Variants in CALN1 observed in about 807,000 individuals in gnomAD.
CALN1 encodes the protein calcium-binding protein 8.
CALN1 carries 17 observed loss-of-function variants against 30.6 expected under a neutral mutation model. The observed-to-expected ratio is 0.56, with a 90% CI of 0.38 to 0.83. The LOEUF (loss-of-function observed/expected upper bound fraction) is 0.83, where lower values mean the gene tolerates loss of function less well. Ranked by LOEUF, CALN1 falls within the 40% of genes least tolerant of loss-of-function variation. The pLI, the probability that CALN1 is intolerant of heterozygous loss-of-function variation, is 0.00. For synonymous variants in CALN1, 156 were observed against 131.4 expected (o/e 1.19, Z -1.28); for missense variants, 291 against 354.9 (o/e 0.82, Z 1.45).
At chr7:72,082,380 C>T (rs1805206395) in intron 4 of CALN1, among the ~76,000 whole-genome samples, 1 of 152,166 alleles carries the variant, frequency 6.6e-6, no homozygotes, top group Non-Finnish European at 1.5e-5. Flanking sequence ...AGTCCTTAGA[C>T]CTTAACTGGG....
At chr7:72,394,385 G>A (rs1024713327) in intron 2 of CALN1, among the ~76,000 whole-genome samples, 2 of 152,170 alleles carry the variant, frequency 1.3e-5, no homozygotes, top group African/African-American at 2.4e-5. Context: ...CTTTAGCTAT[G>A]CTTGCACAAG....
chr7:72,290,079 T>TAAAAAAA (rs60416266), intron 2 of CALN1, among the ~76,000 whole-genome samples: 4 of 32,122 alleles, frequency 1.2e-4, no homozygotes, highest in Admixed American at 4.9e-4. Context: ...GACCCTGTCT[T>TAAAAAAA]AAAAAAAAAA....
intron 5 of CALN1, among the ~76,000 whole-genome samples, chr7:71,976,195 A>T (rs1000019659): frequency 6.6e-6 from 1 of 152,092 alleles, no homozygotes. Context: ...ACTGATGTAA[A>T]ACACATGGGG....
the CALN1 span, among the ~76,000 whole-genome samples, chr7:72,494,869 A>AATAAT: frequency 6.6e-6 from 1 of 150,846 alleles, no homozygotes; most frequent in Non-Finnish European, 1.5e-5. Context: ...CCTGTCTCAA[A>AATAAT]AATAATAATA....
intron 2 of CALN1, among the ~76,000 whole-genome samples, chr7:72,396,352 G>C (rs1031169296): frequency 6.7e-6 from 1 of 149,860 alleles, no homozygotes; most frequent in Non-Finnish European, 1.5e-5. Flanking sequence ...GGACCTGGGA[G>C]ACAGAGGTTG....
At chr7:72,404,013 T>A (rs1357538329) in intron 1 of CALN1, among the ~76,000 whole-genome samples, 1 of 152,180 alleles carries the variant, frequency 6.6e-6, no homozygotes, top group Non-Finnish European at 1.5e-5. Flanking sequence ...AGGGCAGACC[T>A]GCAACCCATG....
chr7:72,062,169 C>G (rs1311471964), intron 4 of CALN1, among the ~76,000 whole-genome samples: 1 of 152,128 alleles, frequency 6.6e-6, no homozygotes, highest in East Asian at 1.9e-4. Flanking sequence ...AATTCATTGT[C>G]AGCACACCTG....
intron 3 of CALN1, among the ~76,000 whole-genome samples, chr7:72,212,285 G>A (rs1345785341): frequency 6.7e-6 from 1 of 149,324 alleles, no homozygotes; most frequent in Non-Finnish European, 1.5e-5. Flanking sequence ...CGAGGTGGAG[G>A]ACTGCAGTGA....
chr7:72,153,483 A>C (rs78722901), intron 3 of CALN1, among the ~76,000 whole-genome samples: 1,542 of 151,652 alleles, frequency 0.01, 25 homozygotes, highest in African/African-American at 0.035. Flanking sequence ...GTTCAAGTCC[A>C]GCCTGGGTAA....
At chr7:71,918,100 G>A (rs1468583703) in intron 5 of CALN1, among the ~76,000 whole-genome samples, 1 of 152,160 alleles carries the variant, frequency 6.6e-6, no homozygotes, top group African/African-American at 2.4e-5. Flanking sequence ...GATAGGAATT[G>A]CATAAGGATC....
intron 3 of CALN1, among the ~76,000 whole-genome samples, chr7:72,177,870 C>G (rs1789478079): frequency 6.6e-6 from 1 of 151,980 alleles, no homozygotes; most frequent in African/African-American, 2.4e-5. Context: ...TTCTAGCATT[C>G]TCCTTTGTAA....
intron 2 of CALN1, among the ~76,000 whole-genome samples, chr7:72,327,747 A>G (rs1301328188): frequency 6.6e-6 from 1 of 152,228 alleles, no homozygotes; most frequent in Non-Finnish European, 1.5e-5. Flanking sequence ...TTTAATGAAT[A>G]TTTAATTGCT....
rs560011881 is a variant in CALN1 at position 72,410,045 on chromosome 7, G to A, written c.-74+2013C>T. ...TTATAACTGAACATAATTCTTTCTT[G>A]AAGATATCTTTTGGACAAAATGTTC... On this transcript the variant is annotated intron_variant, in intron 1 of 6. Coordinates refer to ENST00000395275, the MANE Select transcript of CALN1 (RefSeq NM_031468.4). Among the ~76,000 whole-genome samples, 89 of 151,592 alleles carry A rather than the reference G, an allele frequency of 5.9e-4. 1 individual carries two copies. The highest frequency in any genetic ancestry group is 1.1e-3 in the Non-Finnish European group (76 of 67,992).
At chr7:72,360,124 A>T (rs1435850834) in intron 2 of CALN1, among the ~76,000 whole-genome samples, 1 of 152,194 alleles carries the variant, frequency 6.6e-6, no homozygotes, top group East Asian at 1.9e-4. Context: ...TGGTTTTAAA[A>T]CAAACTATAA....
chr7:72,224,883 T>C (rs1793558629), intron 3 of CALN1, among the ~76,000 whole-genome samples: 1 of 151,552 alleles, frequency 6.6e-6, no homozygotes, highest in African/African-American at 2.4e-5. Context: ...GGTCAGGAGA[T>C]TGAGGCCATC....
chr7:72,046,828 G>C (rs10242489), intron 4 of CALN1, among the ~76,000 whole-genome samples: 1 of 150,718 alleles, frequency 6.6e-6, no homozygotes, highest in Admixed American at 6.6e-5. Context: ...AGGAGTCTGA[G>C]ACCAGTCTGG....
chr7:71,927,101 C>T (rs1157451773), intron 5 of CALN1, among the ~76,000 whole-genome samples: 1 of 152,164 alleles, frequency 6.6e-6, no homozygotes, highest in Admixed American at 6.5e-5. Flanking sequence ...ATAAAGTAAA[C>T]AGTACTTTTG....
chr7:71,939,693 G>A (rs1796024456), intron 5 of CALN1, among the ~76,000 whole-genome samples: 1 of 152,194 alleles, frequency 6.6e-6, no homozygotes, highest in African/African-American at 2.4e-5. Flanking sequence ...CTTGGAAGTG[G>A]TGGAGCTGGG....
intron 5 of CALN1, among the ~76,000 whole-genome samples, chr7:72,005,001 G>A (rs1799697597): frequency 6.6e-6 from 1 of 152,160 alleles, no homozygotes; most frequent in African/African-American, 2.4e-5. Context: ...ACCAAAGCTG[G>A]TGAGAATCAG....
Sources: allele counts gnomAD v4.1 joint callset (sites outside exome capture counted in the v4.1 genomes callset), GRCh38; gene constraint gnomAD v4.1.1; transcripts MANE v1.5; gene names NCBI Gene and HGNC (gene_info 2026-07-23, HGNC 2026-07-21).